The following RAP1GAP2 variants were observed in gnomAD, a reference collection of about 807,000 sequenced individuals.
RAP1GAP2 encodes rap1 GTPase-activating protein 2.
RAP1GAP2 carries 27 observed loss-of-function variants against 95.0 expected under a neutral mutation model. That is an observed-to-expected ratio of 0.28 (90% CI 0.21 to 0.39). The LOEUF is 0.39. Ranked by LOEUF, RAP1GAP2 falls within the 10% of genes least tolerant of loss-of-function variation. RAP1GAP2 has a pLI of 1.00. For synonymous variants in RAP1GAP2, 373 were observed against 380.9 expected (o/e 0.98, Z 0.24); for missense variants, 771 against 970.0 (o/e 0.79, Z 2.72).
In RAP1GAP2 at chr17:2,964,004, C is replaced by G; in HGVS notation, c.428C>G (p.Thr143Arg). ...GAAGAGGACAACCTCAGCCCCAACACATTTGGCTACAAGCTCGAGTGCAAG... is the reference window on the plus strand; with the variant it reads ...GAAGAGGACAACCTCAGCCCCAACAGATTTGGCTACAAGCTCGAGTGCAAG... Reference protein sequence around the residue: ...EEEEDNLSPNTFGYKLECKGE... With the variant: ...EEEEDNLSPNRFGYKLECKGE... Residue 143 changes from threonine (T) to arginine (R), a missense_variant, in exon 7 of 25, where the codon ACA becomes AGA. Coordinates refer to ENST00000254695, the MANE Select transcript of RAP1GAP2 (RefSeq NM_015085.5). 1 of 1,612,636 alleles carries G rather than the reference C, an allele frequency of 6.2e-7. No individual in the cohort carries two copies. Among genetic ancestry groups the G allele is most frequent in the South Asian group, 1.1e-5 (1 of 91,030 alleles).
In RAP1GAP2 at chr17:2,981,864, G is replaced by A. The variant is rs150331413; in HGVS notation, c.729+616G>A. 6.0e-3 allele frequency among the ~76,000 whole-genome samples: 920 copies of A among 152,340 alleles called. 2 individuals are homozygous for A. The highest frequency in any genetic ancestry group is 8.8e-3 in the Non-Finnish European group (597 of 68,038). Reference sequence around the variant, plus strand: ...ATAATTATGGCACAAGAGGACTGAAGTCACCCATGGACAGTGAATTGCTTG... The same window carrying A: ...ATAATTATGGCACAAGAGGACTGAAATCACCCATGGACAGTGAATTGCTTG... On this transcript the variant is annotated intron_variant, in intron 10 of 24. Coordinates refer to ENST00000254695, the MANE Select transcript of RAP1GAP2 (RefSeq NM_015085.5).
At position 2,912,462 on chromosome 17, in the gene RAP1GAP2, C is replaced by T. The variant is rs565619170; in HGVS notation, c.165+7094C>T. Among the ~76,000 whole-genome samples, 16 of 152,224 alleles carry T rather than the reference C, an allele frequency of 1.1e-4. No individual in the cohort carries two copies. The South Asian group carries it at 1.5e-3, about 14-fold the overall frequency. On this transcript the variant is annotated intron_variant, in intron 3 of 24. Transcript: ENST00000254695. The stretch of plus-strand genomic sequence containing the variant: ...CAGTGTCAGCCCCCCATACATCCAC[C>T]AGCTCTGGATGGATGAAGGGAGGAG...
intron 13 of RAP1GAP2, among the ~76,000 whole-genome samples, chr17:2,997,751 C>T (rs755836343): frequency 1.3e-5 from 2 of 151,810 alleles, no homozygotes; most frequent in East Asian, 1.9e-4. Context: ...GGTGAAACCT[C>T]GTCTCTACCA....
chr17:2,787,713 G>T (rs984868278), intron 1 of RAP1GAP2, among the ~76,000 whole-genome samples: 1 of 152,060 alleles, frequency 6.6e-6, no homozygotes, highest in Non-Finnish European at 1.5e-5. Flanking sequence ...GAATACAGGC[G>T]CATGCCGCCA....
upstream of RAP1GAP2, among the ~76,000 whole-genome samples, chr17:2,775,127 C>T (rs1450850886): frequency 1.3e-5 from 2 of 152,112 alleles, no homozygotes; most frequent in African/African-American, 2.4e-5. Flanking sequence ...GCACCGCGCC[C>T]GGCCAGCCAC....
chr17:2,893,195 G>A (rs1035109434), intron 2 of RAP1GAP2, among the ~76,000 whole-genome samples: 2 of 151,858 alleles, frequency 1.3e-5, no homozygotes, highest in East Asian at 1.9e-4. Flanking sequence ...CTACTAGCCC[G>A]GCTAGTTTTT....
At chr17:2,770,196 T>C in intron 1 of RAP1GAP2, 1 of 396,054 alleles carries the variant, frequency 2.5e-6, no homozygotes, top group South Asian at 1.4e-4. Flanking sequence ...GAAACAGGGC[T>C]TTCTGGCAGA....
intron 2 of RAP1GAP2, among the ~76,000 whole-genome samples, chr17:2,849,051 A>G (rs1006715830): frequency 1.3e-5 from 2 of 152,186 alleles, no homozygotes; most frequent in African/African-American, 2.4e-5. Context: ...CTTCAGAGTG[A>G]TATCCCAGAG....
chr17:2,886,228 A>C (rs527324765), intron 2 of RAP1GAP2, among the ~76,000 whole-genome samples: 19 of 143,314 alleles, frequency 1.3e-4, no homozygotes, highest in Non-Finnish European at 2.5e-4. Context: ...GCTGGAGTGC[A>C]GTGGTGCGAT....
intron 2 of RAP1GAP2, among the ~76,000 whole-genome samples, chr17:2,816,537 C>G (rs1003177625): frequency 6.6e-6 from 1 of 151,976 alleles, no homozygotes; most frequent in Non-Finnish European, 1.5e-5. Flanking sequence ...TGGGGTTTCA[C>G]CATGTTGGCC....
chr17:2,853,078 C>CA (rs570863534), intron 2 of RAP1GAP2, among the ~76,000 whole-genome samples: 138 of 152,236 alleles, frequency 9.1e-4, no homozygotes, highest in African/African-American at 3.2e-3. Flanking sequence ...CATGTGGAGT[C>CA]AAACTCCCAG....
chr17:2,916,084 A>G (rs535126059), intron 3 of RAP1GAP2, among the ~76,000 whole-genome samples: 1 of 152,268 alleles, frequency 6.6e-6, no homozygotes, highest in African/African-American at 2.4e-5. Flanking sequence ...GTCTAGGTTC[A>G]TTTATTGCCA....
intron 3 of RAP1GAP2, among the ~76,000 whole-genome samples, chr17:2,954,967 T>C (rs1285958547): frequency 6.6e-6 from 1 of 152,216 alleles, no homozygotes; most frequent in Non-Finnish European, 1.5e-5. Context: ...GTATATGTTA[T>C]TTTTATTGGC....
chr17:2,901,991 G>A (rs559123014), intron 2 of RAP1GAP2, among the ~76,000 whole-genome samples: 38 of 152,156 alleles, frequency 2.5e-4, no homozygotes, highest in Non-Finnish European at 4.4e-4. Context: ...GCTTAAAGCC[G>A]CAGACATTTA....
At chr17:2,960,687 C>T (rs2151480060) in intron 4 of RAP1GAP2, among the ~76,000 whole-genome samples, 1 of 152,314 alleles carries the variant, frequency 6.6e-6, no homozygotes, top group East Asian at 1.9e-4. Context: ...GTGGAAAGTG[C>T]TGTGAGTTTC....
Position 2,853,262 on chromosome 17 carries a change from C to T in RAP1GAP2, c.81-52022C>T, listed in dbSNP as rs2071959018. ...CGGGAGCTGCGAGCCGGGGCGGGCG[C>T]CGGGCTCAGGTGCCCCCTGTAAGCG... On this transcript the variant is annotated intron_variant, in intron 2 of 24. Coordinates refer to ENST00000254695, the MANE Select transcript of RAP1GAP2 (RefSeq NM_015085.5). Among the ~76,000 whole-genome samples the T allele has an allele frequency of 2.0e-5, 3 of 151,792 alleles. 1 individual carries two copies. In the South Asian group the frequency reaches 6.2e-4, roughly 32 times the overall value.
Position 2,825,216 on chromosome 17 carries a change from G to T in RAP1GAP2, c.80+24666G>T, listed in dbSNP as rs1157447486. Among the ~76,000 whole-genome samples the T allele has an allele frequency of 1.3e-5, 2 of 152,132 alleles. No homozygotes were observed. The highest frequency in any genetic ancestry group is 3.8e-4 in the East Asian group (2 of 5,198). On this transcript the variant is annotated intron_variant, in intron 2 of 24. Transcript: ENST00000254695. The surrounding 1 kb of genome is among the most constrained non-coding windows in gnomAD (Gnocchi z 4.1). ...CCTAAATTGCTGGTATTATGGGTGTGAGCCACCACACCTAGTCCCATCTTC... is the reference window on the plus strand; with the variant it reads ...CCTAAATTGCTGGTATTATGGGTGTTAGCCACCACACCTAGTCCCATCTTC...
intron 2 of RAP1GAP2, among the ~76,000 whole-genome samples, chr17:2,891,180 C>T (rs889905668): frequency 6.6e-6 from 1 of 151,550 alleles, no homozygotes; most frequent in Non-Finnish European, 1.5e-5. Flanking sequence ...CAGGGTCTCA[C>T]TCTGTCACCC....
intron 2 of RAP1GAP2, among the ~76,000 whole-genome samples, chr17:2,877,316 T>C (rs1399828343): frequency 2.0e-5 from 3 of 152,230 alleles, no homozygotes; most frequent in Non-Finnish European, 4.4e-5. Flanking sequence ...CATCATCAGC[T>C]GTCACCTGGA....
Sources: allele counts gnomAD v4.1 joint callset (sites outside exome capture counted in the v4.1 genomes callset), GRCh38; gene constraint gnomAD v4.1.1; non-coding constraint Gnocchi (gnomAD v3.1); transcripts MANE v1.5; gene names NCBI Gene and HGNC (gene_info 2026-07-23, HGNC 2026-07-21).